Variants in DSCAM observed in about 807,000 individuals in gnomAD.
DSCAM encodes the protein DS cell adhesion molecule.
In DSCAM, 47 loss-of-function variants were observed where a neutral mutation model predicts 217.7. The observed-to-expected ratio is 0.22, with a 90% CI of 0.17 to 0.28. The LOEUF (loss-of-function observed/expected upper bound fraction) is 0.28. DSCAM is among the 10% of genes least tolerant of loss of function. The pLI is 1.00. For synonymous variants in DSCAM, 1,056 were observed against 1,015.3 expected (o/e 1.04, Z -0.76); for missense variants, 2,080 against 2,618.3 (o/e 0.79, Z 4.49).
At chr21:40,042,097 G>A (rs982059679) in intron 32 of DSCAM, among the ~76,000 whole-genome samples, 8 of 152,232 alleles carry the variant, frequency 5.3e-5, no homozygotes, top group South Asian at 2.1e-4. Flanking sequence ...CAGCCAGGTC[G>A]GTGAGCCACT....
chr21:40,206,348 G>A (rs1273984569), intron 11 of DSCAM, among the ~76,000 whole-genome samples: 1 of 152,190 alleles, frequency 6.6e-6, no homozygotes, highest in Admixed American at 6.5e-5. Flanking sequence ...GGGTAGCAGA[G>A]CAGAGGCTGT....
At chr21:40,581,602 G>A (rs1000608888) in intron 3 of DSCAM, among the ~76,000 whole-genome samples, 12 of 152,152 alleles carry the variant, frequency 7.9e-5, no homozygotes, top group Non-Finnish European at 8.8e-5. Flanking sequence ...CTGGGAGAAA[G>A]TGTGAGGTCA....
At chr21:40,380,877 C>A (rs1471790343) in intron 3 of DSCAM, among the ~76,000 whole-genome samples, 1 of 151,854 alleles carries the variant, frequency 6.6e-6, no homozygotes, top group Non-Finnish European at 1.5e-5. Flanking sequence ...TCCTGGCTAA[C>A]ACGGTGAAAC....
intron 11 of DSCAM, among the ~76,000 whole-genome samples, chr21:40,257,498 A>ACACAC (rs57376473): frequency 6.7e-6 from 1 of 150,224 alleles, no homozygotes; most frequent in African/African-American, 2.5e-5. Context: ...ACACACACAC[A>ACACAC]ATGGCAAACG....
intron 4 of DSCAM, among the ~76,000 whole-genome samples, chr21:40,361,212 G>A (rs925700900): frequency 5.3e-5 from 8 of 151,358 alleles, no homozygotes; most frequent in Non-Finnish European, 7.4e-5. Context: ...ATAATATGAC[G>A]CATCCCATAT....
At chr21:40,698,813 T>C (rs1180768429) in intron 2 of DSCAM, among the ~76,000 whole-genome samples, 41 of 141,728 alleles carry the variant, frequency 2.9e-4, no homozygotes, top group Admixed American at 1.3e-3. Flanking sequence ...GAGGTTGCAG[T>C]GAGCTGAGAT....
chr21:40,373,902 G>T (rs1414622319), intron 3 of DSCAM, among the ~76,000 whole-genome samples: 1 of 152,170 alleles, frequency 6.6e-6, no homozygotes, highest in Non-Finnish European at 1.5e-5. Flanking sequence ...AAAAAAGAGA[G>T]ATGATGAGTA....
intron 16 of DSCAM, among the ~76,000 whole-genome samples, chr21:40,161,206 C>A (rs567476577): frequency 1.1e-4 from 17 of 152,152 alleles, no homozygotes; most frequent in Non-Finnish European, 2.4e-4. Context: ...GCAGCTCTGT[C>A]CTGGGACAGA....
intron 11 of DSCAM, among the ~76,000 whole-genome samples, chr21:40,262,891 T>C (rs2055427807): frequency 1.3e-5 from 2 of 152,208 alleles, no homozygotes; most frequent in East Asian, 3.9e-4. Flanking sequence ...GCAGCTCCTG[T>C]TGAAACTAAT....
chr21:40,759,122 C>T (rs1398575333), intron 1 of DSCAM, among the ~76,000 whole-genome samples: 3 of 152,048 alleles, frequency 2.0e-5, no homozygotes, highest in Non-Finnish European at 2.9e-5. Flanking sequence ...ACACATAGCT[C>T]CTCCCAGCCT....
intron 3 of DSCAM, among the ~76,000 whole-genome samples, chr21:40,527,445 G>C (rs929783670): frequency 2.0e-5 from 3 of 152,168 alleles, no homozygotes; most frequent in African/African-American, 7.2e-5. Flanking sequence ...GCTACCATGT[G>C]AGGTAGTCTA....
intron 3 of DSCAM, among the ~76,000 whole-genome samples, chr21:40,477,198 T>TA (rs898486894): frequency 2.0e-5 from 3 of 151,996 alleles, no homozygotes; most frequent in African/African-American, 7.2e-5. Context: ...TATTCACAAA[T>TA]AAAGAGGAAT....
chr21:40,236,546 C>T (rs2073081901), intron 11 of DSCAM, among the ~76,000 whole-genome samples: 1 of 152,098 alleles, frequency 6.6e-6, no homozygotes, highest in Non-Finnish European at 1.5e-5. Flanking sequence ...AACACCCAGC[C>T]CTCAGACACA....
chr21:40,100,115 C>A (rs1428327914), intron 20 of DSCAM, among the ~76,000 whole-genome samples: 1 of 152,142 alleles, frequency 6.6e-6, no homozygotes, highest in Non-Finnish European at 1.5e-5. Context: ...GCATGAAATG[C>A]CTCCAACAGA....
chr21:40,343,843 ATTATT>A (rs1265534536), intron 6 of DSCAM, among the ~76,000 whole-genome samples: 1 of 150,332 alleles, frequency 6.7e-6, no homozygotes, highest in Middle Eastern at 3.4e-3. Context: ...TTTATTTATT[ATTATT>A]TTATTTCATT....
chr21:40,798,912 C>T (rs1233411087), intron 1 of DSCAM, among the ~76,000 whole-genome samples: 1 of 152,026 alleles, frequency 6.6e-6, no homozygotes, highest in African/African-American at 2.4e-5. Flanking sequence ...TTTAGATAAA[C>T]AAATTTACCA....
chr21:40,362,154 T>G (rs1036928327), intron 4 of DSCAM, among the ~76,000 whole-genome samples: 2 of 152,202 alleles, frequency 1.3e-5, no homozygotes, highest in Non-Finnish European at 2.9e-5. Flanking sequence ...TGCCACGTTT[T>G]CTTAATCCAG....
intron 11 of DSCAM, among the ~76,000 whole-genome samples, chr21:40,239,226 C>T (rs1016257135): frequency 6.6e-6 from 1 of 152,032 alleles, no homozygotes; most frequent in Non-Finnish European, 1.5e-5. Context: ...TAGCAAAGAA[C>T]AGGAAAATTA....
intron 2 of DSCAM, among the ~76,000 whole-genome samples, chr21:40,704,426 AAATT>A (rs2090690507): frequency 1.3e-5 from 2 of 152,336 alleles, no homozygotes; most frequent in East Asian, 3.9e-4. Flanking sequence ...TGTTAAAGAA[AAATT>A]GTAGCTGGGC....
Sources: gnomAD v4.1 joint callset for allele counts (sites outside exome capture counted in the v4.1 genomes callset) on GRCh38, gnomAD v4.1.1 for gene constraint, MANE v1.5 for transcripts, NCBI Gene and HGNC (gene_info 2026-07-23, HGNC 2026-07-21) for gene names.